PRR5: variants seen among roughly 807,000 people sequenced by gnomAD.
PRR5 encodes proline rich 5, also known as proline-rich protein 5.
A neutral mutation model predicts 30.6 loss-of-function variants in PRR5; 25 were observed. The observed-to-expected ratio is 0.82, with a 90% CI of 0.60 to 1.14. The LOEUF (loss-of-function observed/expected upper bound fraction) is 1.14. PRR5 is among the 50% of genes most tolerant of loss of function. The probability of loss-of-function intolerance (pLI) is 0.00; values close to 1 mark genes in which losing one functional copy is unlikely to be tolerated. For synonymous variants in PRR5, 286 were observed against 247.1 expected (o/e 1.16, Z -1.48); for missense variants, 600 against 547.1 (o/e 1.10, Z -0.96).
chr22:44,704,456 G>A (rs1310985512), intron 1 of PRR5, among the ~76,000 whole-genome samples: 1 of 151,954 alleles, frequency 6.6e-6, no homozygotes, highest in African/African-American at 2.4e-5. Flanking sequence ...GGCCTCAGGG[G>A]GACTCTGCCT....
chr22:44,715,111 G>A (rs188883536), intron 2 of PRR5, among the ~76,000 whole-genome samples: 2 of 152,306 alleles, frequency 1.3e-5, no homozygotes, highest in Admixed American at 1.3e-4. Context: ...AACACCCCTC[G>A]TTTCCTGTGA....
chr22:44,718,648 G>C (rs897730256), intron 2 of PRR5, among the ~76,000 whole-genome samples: 1 of 152,142 alleles, frequency 6.6e-6, no homozygotes, highest in African/African-American at 2.4e-5. Context: ...GGAGAGTTCA[G>C]TTTGTCCACA....
intron 1 of PRR5, 39 bp downstream of exon 1, chr22:44,702,647 G>T (rs917928616): frequency 7.1e-6 from 9 of 1,263,604 alleles, no homozygotes; most frequent in Middle Eastern, 3.1e-4. Context: ...AGGCCCTGGA[G>T]CCGGGGGAGG....
chr22:44,684,688 C>T (rs1223926569), intron 1 of PRR5, among the ~76,000 whole-genome samples: 1 of 152,250 alleles, frequency 6.6e-6, no homozygotes, highest in African/African-American at 2.4e-5. Flanking sequence ...GCTCTCTGCC[C>T]AGGGCACTGT....
intron 2 of PRR5, among the ~76,000 whole-genome samples, chr22:44,716,894 C>G (rs1215554143): frequency 2.0e-5 from 3 of 152,108 alleles, no homozygotes; most frequent in African/African-American, 7.2e-5. Flanking sequence ...AACCCTGTCT[C>G]TACCAAAGAT....
chr22:44,698,945 C>T (rs1926010783), upstream of PRR5, among the ~76,000 whole-genome samples: 1 of 152,162 alleles, frequency 6.6e-6, no homozygotes. Context: ...CGCAGCTGTG[C>T]CCTCTCTGCC....
chr22:44,671,186 T>C (rs1261146289), intron 1 of PRR5, among the ~76,000 whole-genome samples: 2 of 152,128 alleles, frequency 1.3e-5, no homozygotes, highest in Non-Finnish European at 2.9e-5. Flanking sequence ...AAGACCCTCA[T>C]CCTGAAGCCC....
At chr22:44,687,607 G>T (rs1924865459) in intron 1 of PRR5, among the ~76,000 whole-genome samples, 1 of 152,156 alleles carries the variant, frequency 6.6e-6, no homozygotes, top group African/African-American at 2.4e-5. Flanking sequence ...TAAGGTTGCA[G>T]CTCCTCAAGC....
intron 1 of PRR5, among the ~76,000 whole-genome samples, chr22:44,678,324 CTT>C (rs113676116): frequency 1.1e-4 from 14 of 130,630 alleles, no homozygotes; most frequent in Non-Finnish European, 1.1e-4. Flanking sequence ...TCTGCTGGCT[CTT>C]TTTTTTTTTT....
chr22:44,695,599 G>A (rs1182782854), intron 1 of PRR5, among the ~76,000 whole-genome samples: 1 of 151,786 alleles, frequency 6.6e-6, no homozygotes, highest in Non-Finnish European at 1.5e-5. Flanking sequence ...TTTGTTTTTT[G>A]TTTTTGTTTT....
rs1865972644 is a variant in PRR5 at position 44,702,279 on chromosome 22, C to A, written c.-196C>A. The A allele has an allele frequency of 8.7e-7, 1 of 1,144,256 alleles. No individual in the cohort carries two copies. The highest frequency in any genetic ancestry group is 1.1e-6 in the Non-Finnish European group (1 of 930,168). 70.9% of individuals were successfully genotyped at this position (1,144,256 alleles called of 1,614,324 possible). On this transcript the variant is annotated 5_prime_UTR_variant, in exon 1 of 8. Transcript: ENST00000336985. ...CTGAGCCTCTCCGTGCAATGATTAA[C>A]CCGGCGGGGCGGCCGGCGCGGGACC...
chr22:44,707,108 T>C (rs1000603797), intron 1 of PRR5, among the ~76,000 whole-genome samples: 3 of 152,064 alleles, frequency 2.0e-5, no homozygotes, highest in South Asian at 2.1e-4. Context: ...CTTCCTTCCT[T>C]CCTCCCTCCT....
Position 44,714,633 on chromosome 22 carries a change from G to A in PRR5, c.177G>A (p.Leu59=), listed in dbSNP as rs766438285. Residue 59 remains leucine, a synonymous_variant, in exon 2 of 8, where the codon CTG becomes CTA. Transcript: ENST00000336985. ...GVIAVFQRKG[L]PDQELFSLNE... The stretch of plus-strand genomic sequence containing the variant: ...TCGCCGTCTTCCAGCGCAAGGGGCT[G>A]CCCGACCAGGAGCTCTTCAGCCTCA... The A allele has an allele frequency of 1.2e-6, 2 of 1,613,628 alleles. No homozygotes were observed. The highest frequency in any genetic ancestry group is 1.7e-6 in the Non-Finnish European group (2 of 1,180,006).
intron 1 of PRR5, among the ~76,000 whole-genome samples, chr22:44,704,807 C>T (rs184311444): frequency 1.6e-4 from 25 of 152,110 alleles, no homozygotes; most frequent in Non-Finnish European, 2.5e-4. Flanking sequence ...GCAGAGCCTG[C>T]GCCCCAGCTC....
chr22:44,702,163 C>A (rs1371715809), upstream of PRR5: 5 of 588,704 alleles, frequency 8.5e-6, no homozygotes, highest in Non-Finnish European at 1.1e-5. Context: ...CCCCCCGGGG[C>A]GCCGAGACCC....
chr22:44,727,460 C>T (rs893249824), intron 4 of PRR5, among the ~76,000 whole-genome samples: 9 of 152,206 alleles, frequency 5.9e-5, no homozygotes, highest in South Asian at 2.1e-4. Context: ...TGTGTGCGTC[C>T]CTCCGTGCTG....
At chr22:44,709,984 T>C (rs183961296) in intron 1 of PRR5, among the ~76,000 whole-genome samples, 1 of 152,124 alleles carries the variant, frequency 6.6e-6, no homozygotes, top group Non-Finnish European at 1.5e-5. Context: ...GCTGCTCTTT[T>C]CTCACGTGTG....
chr22:44,736,622 T>C (rs937749917), intron 7 of PRR5, 150 bp from the exon 8 acceptor site: 204 of 1,344,678 alleles, frequency 1.5e-4, no homozygotes, highest in Non-Finnish European at 1.9e-4. Context: ...TCAGGGCTTG[T>C]GGCGGTGGGA....
chr22:44,693,616 C>CTTTTTTTT (rs1228023916), intron 1 of PRR5, among the ~76,000 whole-genome samples: 4 of 90,566 alleles, frequency 4.4e-5, no homozygotes, highest in Admixed American at 1.6e-4. Context: ...TTCACATGGA[C>CTTTTTTTT]TTTTTTTTTT....
Sources: gnomAD v4.1 joint callset for allele counts (sites outside exome capture counted in the v4.1 genomes callset) on GRCh38, gnomAD v4.1.1 for gene constraint, MANE v1.5 for transcripts, NCBI Gene and HGNC (gene_info 2026-07-23, HGNC 2026-07-21) for gene names.